CDH18: variants seen among roughly 807,000 people sequenced by gnomAD.
CDH18 encodes the protein cadherin 18.
CDH18 carries 31 observed loss-of-function variants against 67.9 expected under a neutral mutation model. The ratio of observed to expected loss-of-function variants is 0.46; its 90% confidence interval spans 0.34 to 0.62. The LOEUF (loss-of-function observed/expected upper bound fraction) is 0.62, where lower values mean the gene tolerates loss of function less well. CDH18 is among the 20% of genes least tolerant of loss of function. The pLI is 0.01. For synonymous variants in CDH18, 362 were observed against 347.2 expected (o/e 1.04, Z -0.48); for missense variants, 890 against 975.5 (o/e 0.91, Z 1.17).
At chr5:19,579,840 T>C (rs1249684011) in intron 7 of CDH18, among the ~76,000 whole-genome samples, 2 of 151,856 alleles carry the variant, frequency 1.3e-5, no homozygotes, top group Admixed American at 1.3e-4. Context: ...TACCCATTAG[T>C]ACCCACAAGT....
chr5:20,486,822 A>G (rs1051767388), intron 1 of CDH18, among the ~76,000 whole-genome samples: 7 of 151,738 alleles, frequency 4.6e-5, no homozygotes, highest in African/African-American at 1.7e-4. Flanking sequence ...TATTTCTTTT[A>G]TGTTAACTTT....
intron 2 of CDH18, among the ~76,000 whole-genome samples, chr5:19,972,780 C>A (rs1349957518): frequency 6.6e-6 from 1 of 151,898 alleles, no homozygotes; most frequent in Non-Finnish European, 1.5e-5. Flanking sequence ...AATATACACT[C>A]AGGAAAAAGG....
intron 1 of CDH18, among the ~76,000 whole-genome samples, chr5:20,357,528 T>C (rs1319104590): frequency 6.6e-6 from 1 of 152,136 alleles, no homozygotes; most frequent in South Asian, 2.1e-4. Flanking sequence ...CAAAACAAGA[T>C]ATAAGAGCGG....
intron 3 of CDH18, among the ~76,000 whole-genome samples, chr5:19,803,471 G>A (rs1264960512): frequency 6.6e-6 from 1 of 152,148 alleles, no homozygotes; most frequent in Non-Finnish European, 1.5e-5. Context: ...TTTGAAATGT[G>A]CAGTAGTCAC....
rs145094711 is a variant in CDH18, at chr5:20,575,202, G to A, written c.-580+260C>T. ...AACTTGGCTTATTTTTCTTCTTTACGTGGAGTATCTGCTACAGAAACTTAC... is the reference window on the plus strand; with the variant it reads ...AACTTGGCTTATTTTTCTTCTTTACATGGAGTATCTGCTACAGAAACTTAC... On this transcript the variant is annotated intron_variant, in intron 1 of 14. Coordinates refer to the CDH18 transcript ENST00000507958. Among the ~76,000 whole-genome samples, 256 of 151,774 alleles carry A rather than the reference G, an allele frequency of 1.7e-3. 1 individual carries two copies. Among genetic ancestry groups the A allele is most frequent in the African/African-American group, 5.9e-3 (245 of 41,404 alleles).
chr5:20,398,633 C>G (rs1248988963), intron 1 of CDH18, among the ~76,000 whole-genome samples: 1 of 152,140 alleles, frequency 6.6e-6, no homozygotes, highest in Non-Finnish European at 1.5e-5. Context: ...AAAAAACCAC[C>G]ACAGCACACA....
chr5:20,012,362 T>G (rs1161926124), intron 2 of CDH18, among the ~76,000 whole-genome samples: 1 of 123,534 alleles, frequency 8.1e-6, no homozygotes, highest in African/African-American at 2.9e-5. Flanking sequence ...AGCTATTTTA[T>G]TATCTTGTTC....
At chr5:19,824,410 G>C (rs774808692) in intron 3 of CDH18, among the ~76,000 whole-genome samples, 8 of 152,274 alleles carry the variant, frequency 5.3e-5, no homozygotes. Context: ...GTGAGTGATC[G>C]AGAGCTCCTA....
At chr5:19,587,356 T>C (rs537803472) in intron 7 of CDH18, among the ~76,000 whole-genome samples, 1 of 152,228 alleles carries the variant, frequency 6.6e-6, no homozygotes, top group Admixed American at 6.5e-5. Flanking sequence ...CGTCATGATA[T>C]CTTTGCCTGT....
chr5:20,353,157 A>T (rs1272318493), intron 1 of CDH18, among the ~76,000 whole-genome samples: 2 of 152,086 alleles, frequency 1.3e-5, no homozygotes, highest in Non-Finnish European at 2.9e-5. Context: ...GGTCCTTCAT[A>T]TGTGAGTTAC....
In CDH18 at chr5:19,970,749, AAAATAATATT is replaced by A. The variant is rs1384548938; in HGVS notation, c.-257+10301_-257+10310del. Reference sequence around the variant, plus strand: ...TTATTCATACATTTATTTATACCGTAAAATAATATTTAATCTTTGAGATTAAATATTATTC... The same window carrying A: ...TTATTCATACATTTATTTATACCGTATAATCTTTGAGATTAAATATTATTC... On this transcript the variant is annotated intron_variant, in intron 2 of 12. Coordinates refer to ENST00000382275, the MANE Select transcript of CDH18 (RefSeq NM_004934.5). Among the ~76,000 whole-genome samples the A allele has an allele frequency of 2.0e-5, 3 of 151,376 alleles. No individual in the cohort carries two copies. The East Asian group carries it at 5.8e-4, about 29-fold the overall frequency.
At chr5:19,710,768 G>A (rs188298190) in intron 5 of CDH18, among the ~76,000 whole-genome samples, 1 of 152,150 alleles carries the variant, frequency 6.6e-6, no homozygotes, top group East Asian at 1.9e-4. Context: ...TAGTTTTGTA[G>A]TTAAAGTTAG....
chr5:20,325,020 A>C (rs1391165837), intron 1 of CDH18, among the ~76,000 whole-genome samples: 1 of 152,212 alleles, frequency 6.6e-6, no homozygotes, highest in Non-Finnish European at 1.5e-5. Flanking sequence ...ACTTTCTCTG[A>C]GCCCAAGCTT....
At chr5:20,277,705 T>C (rs993032964) in intron 1 of CDH18, among the ~76,000 whole-genome samples, 5 of 152,180 alleles carry the variant, frequency 3.3e-5, no homozygotes, top group Admixed American at 1.3e-4. Flanking sequence ...GAGAGAGTTA[T>C]GTGACCTTTC....
upstream of CDH18, among the ~76,000 whole-genome samples, chr5:19,990,608 G>A (rs189662950): frequency 6.6e-6 from 1 of 152,224 alleles, no homozygotes; most frequent in Admixed American, 6.5e-5. Flanking sequence ...TTGGAATAAG[G>A]GCTCTAGATT....
At chr5:19,547,448 G>A (rs979176884) in intron 8 of CDH18, among the ~76,000 whole-genome samples, 6 of 152,276 alleles carry the variant, frequency 3.9e-5, no homozygotes, top group Non-Finnish European at 8.8e-5. Flanking sequence ...AAATATGGCA[G>A]AGCATGTCTC....
chr5:20,352,296 C>T (rs1741245251), intron 1 of CDH18, among the ~76,000 whole-genome samples: 1 of 151,910 alleles, frequency 6.6e-6, no homozygotes, highest in Non-Finnish European at 1.5e-5. Flanking sequence ...AACATATTTT[C>T]TCTTTTCTTA....
At chr5:19,769,265 C>A (rs1265660999) in intron 3 of CDH18, among the ~76,000 whole-genome samples, 1 of 152,052 alleles carries the variant, frequency 6.6e-6, no homozygotes, top group East Asian at 1.9e-4. Context: ...ACATTGCTAT[C>A]AAACTCCTAG....
intron 1 of CDH18, among the ~76,000 whole-genome samples, chr5:20,539,899 T>C (rs1756958772): frequency 6.6e-6 from 1 of 152,174 alleles, no homozygotes; most frequent in Non-Finnish European, 1.5e-5. Flanking sequence ...AGAGAAGTTA[T>C]TTAACTTATT....
Sources: allele counts gnomAD v4.1 joint callset (sites outside exome capture counted in the v4.1 genomes callset), GRCh38; gene constraint gnomAD v4.1.1; transcripts MANE v1.5; gene names NCBI Gene and HGNC (gene_info 2026-07-23, HGNC 2026-07-21).